ERICH1: variants seen among roughly 807,000 people sequenced by gnomAD.
The protein encoded by ERICH1 is glutamate-rich protein 1.
ERICH1 carries 56 observed loss-of-function variants against 39.6 expected under a neutral mutation model. The observed-to-expected ratio is 1.41, with a 90% CI of 1.14 to 1.77. The LOEUF is 1.77. ERICH1 is among the 40% of genes most tolerant of loss of function. The probability of loss-of-function intolerance (pLI) is 0.00; values close to 1 mark genes in which losing one functional copy is unlikely to be tolerated. For synonymous variants in ERICH1, 313 were observed against 223.6 expected, an observed-to-expected ratio of 1.40 and a Z score of -3.57; for missense variants, 826 against 575.4, an observed-to-expected ratio of 1.44 and a Z score of -4.45.
intron 3 of ERICH1, among the ~76,000 whole-genome samples, chr8:619,197 G>A (rs1040539542): frequency 4.6e-5 from 7 of 152,172 alleles, no homozygotes; most frequent in Middle Eastern, 3.4e-3. Context: ...TCCCAGCCCC[G>A]TGTTAAAATG....
intron 3 of ERICH1, among the ~76,000 whole-genome samples, chr8:621,969 C>G (rs533137190): frequency 3.3e-5 from 5 of 152,206 alleles, no homozygotes; most frequent in Non-Finnish European, 7.4e-5. Context: ...AATCCCAGCA[C>G]GTTGGGAGGC....
rs867409298 is a variant in ERICH1 at position 615,097 on chromosome 8, C to T, written c.*126G>A. ...ACTGAAGATCTCAGCTCTCGTCAGC[C>T]TTGCAAAGCTTGCTGCATCTGAGTC... is the stretch of plus-strand genomic sequence containing the variant. On this transcript the variant is annotated 3_prime_UTR_variant, in exon 4 of 4. Transcript: ENST00000522706. 1.7e-5 allele frequency: 10 copies of T among 599,710 alleles called. No individual in the cohort carries two copies. The Middle Eastern group carries it at 1.6e-3, about 94-fold the overall frequency. The allele number at this position is 599,710 out of a possible 1,614,324, so 37.1% of individuals were successfully genotyped here. A position where few individuals can be genotyped will look rare whatever the true frequency, so the allele number is the denominator to read the frequency against.
At chr8:692,805 T>C (rs2132072780) in intron 2 of ERICH1, among the ~76,000 whole-genome samples, 193 bp from the exon 3 acceptor site, 1 of 152,308 alleles carries the variant, frequency 6.6e-6, no homozygotes, top group East Asian at 1.9e-4. Context: ...GCAGGTCAGC[T>C]ACACACCCAG....
At chr8:626,315 C>G (rs770079252) in intron 3 of ERICH1, 2 of 152,170 alleles carry the variant, frequency 1.3e-5, no homozygotes, top group Non-Finnish European at 2.9e-5. Flanking sequence ...TATTGAGGAC[C>G]TGGGAACTTA....
intron 1 of ERICH1, among the ~76,000 whole-genome samples, chr8:718,572 G>C (rs11989835): frequency 0.98 from 149,901 of 152,330 alleles, 73,803 homozygotes; most frequent in Middle Eastern, 1. Context: ...CGGGAACAAT[G>C]TAAAGTCAGC....
At chr8:649,498 G>A (rs1799659504) in intron 3 of ERICH1, among the ~76,000 whole-genome samples, 1 of 152,248 alleles carries the variant, frequency 6.6e-6, no homozygotes, top group South Asian at 2.1e-4. Flanking sequence ...CCTGTGCATT[G>A]TGGAAATGCT....
chr8:645,791 G>T lies in ERICH1; in HGVS notation c.976+22807C>A. Reference sequence around the variant, plus strand: ...GGCGTGAGCCACGGTGCCCAGCCCAGAAATCTGAATTTCTAGGACTTCCAG... The same window carrying T: ...GGCGTGAGCCACGGTGCCCAGCCCATAAATCTGAATTTCTAGGACTTCCAG... On this transcript the variant is annotated intron_variant, in intron 3 of 3. Coordinates refer to the ERICH1 transcript ENST00000522706. Among the ~76,000 whole-genome samples the T allele has an allele frequency of 5.7e-5, 4 of 69,678 alleles. 2 individuals are homozygous for T. Among genetic ancestry groups the T allele is most frequent in the Non-Finnish European group, 1.8e-4 (4 of 22,066 alleles). The allele number at this position is 69,678 out of a possible 152,430, so 45.7% of individuals were successfully genotyped here. A position where few individuals can be genotyped will look rare whatever the true frequency, so the allele number is the denominator to read the frequency against.
intron 3 of ERICH1, among the ~76,000 whole-genome samples, chr8:628,924 C>G (rs187458496): frequency 1.3e-3 from 196 of 152,272 alleles, no homozygotes; most frequent in Middle Eastern, 3.4e-3. Flanking sequence ...AGGACCACCC[C>G]AGCTCAAGGT....
At chr8:627,800 T>C (rs1162819787) in intron 3 of ERICH1, among the ~76,000 whole-genome samples, 1 of 152,082 alleles carries the variant, frequency 6.6e-6, no homozygotes, top group Non-Finnish European at 1.5e-5. Context: ...CATCCAACTG[T>C]GTGGTCATAG....
chr8:628,652 G>T (rs953865232), intron 3 of ERICH1, among the ~76,000 whole-genome samples: 6 of 152,190 alleles, frequency 3.9e-5, no homozygotes, highest in Non-Finnish European at 7.3e-5. Flanking sequence ...CTCAGGATGC[G>T]GGTTCGCAAC....
chr8:667,948 C>T, intron 5 of ERICH1: 1 of 154,370 alleles, frequency 6.5e-6, no homozygotes, highest in Non-Finnish European at 1.4e-5. Context: ...CTGACGGGTG[C>T]CACGGACCCT....
chr8:704,491 C>G (rs1365102805), intron 2 of ERICH1, among the ~76,000 whole-genome samples: 1 of 152,158 alleles, frequency 6.6e-6, no homozygotes, highest in Non-Finnish European at 1.5e-5. Context: ...TCCAAGAAAA[C>G]TATTAACTCT....
At chr8:677,219 A>G (rs1174148383) in intron 3 of ERICH1, among the ~76,000 whole-genome samples, 3 of 152,230 alleles carry the variant, frequency 2.0e-5, no homozygotes, top group Non-Finnish European at 4.4e-5. Context: ...CCCTGAAAAT[A>G]CAGGAAGTAT....
intron 3 of ERICH1, among the ~76,000 whole-genome samples, chr8:633,518 T>C (rs1310959363): frequency 6.6e-6 from 1 of 152,192 alleles, no homozygotes; most frequent in Non-Finnish European, 1.5e-5. Flanking sequence ...AGGATATTTC[T>C]CAGAGAAACA....
At chr8:638,008 G>A (rs963441640) in intron 3 of ERICH1, among the ~76,000 whole-genome samples, 2 of 152,256 alleles carry the variant, frequency 1.3e-5, no homozygotes, top group Non-Finnish European at 2.9e-5. Flanking sequence ...GCAGGGGCAG[G>A]ATTTGGTGAG....
At chr8:634,180 A>AACAAACAAACAAAC (rs1563171301) in intron 3 of ERICH1, among the ~76,000 whole-genome samples, 9 of 91,254 alleles carry the variant, frequency 9.9e-5, no homozygotes, top group African/African-American at 3.8e-4. Context: ...AAAAAAAAAA[A>AACAAACAAACAAAC]AAAAAACAAA....
At chr8:655,118 G>A (rs572219822) in intron 3 of ERICH1, among the ~76,000 whole-genome samples, 1 of 152,244 alleles carries the variant, frequency 6.6e-6, no homozygotes. Flanking sequence ...GATGCACGAC[G>A]GGACCTCAGG....
At chr8:619,316 C>T (rs548815225) in intron 3 of ERICH1, among the ~76,000 whole-genome samples, 1 of 152,284 alleles carries the variant, frequency 6.6e-6, no homozygotes, top group African/African-American at 2.4e-5. Flanking sequence ...CCCGGTGAGA[C>T]CTATCTCACA....
intron 1 of ERICH1, among the ~76,000 whole-genome samples, chr8:730,150 GTGACTGC>G (rs1819650327): frequency 6.6e-6 from 1 of 152,196 alleles, no homozygotes; most frequent in South Asian, 2.1e-4. Flanking sequence ...AGCCTAGCAT[GTGACTGC>G]TTAAAAACTC....
Sources: gnomAD v4.1 joint callset for allele counts (sites outside exome capture counted in the v4.1 genomes callset) on GRCh38, gnomAD v4.1.1 for gene constraint, MANE v1.5 for transcripts, NCBI Gene and HGNC (gene_info 2026-07-23, HGNC 2026-07-21) for gene names.